NHS: variants seen among roughly 807,000 people sequenced by gnomAD.
NHS encodes NHS actin remodeling regulator.
In NHS, 5 loss-of-function variants were observed where a neutral mutation model predicts 72.5. The observed-to-expected ratio is 0.07, with a 90% confidence interval of 0.04 to 0.14. The LOEUF (loss-of-function observed/expected upper bound fraction) is 0.14, where lower values mean the gene tolerates loss of function less well. Among genes scored for constraint, NHS ranks in the 10% least tolerant of loss-of-function variants. NHS has a pLI of 1.00. For synonymous variants in NHS, 464 were observed against 547.7 expected, an observed-to-expected ratio of 0.85 and a Z score of 2.13; for missense variants, 1,072 against 1,355.7, an observed-to-expected ratio of 0.79 and a Z score of 3.29.
chrX:17,562,416 C>T (rs1476910025), intron 1 of NHS, among the ~76,000 whole-genome samples: 1 of 111,784 alleles, frequency 8.9e-6, no homozygotes, highest in Non-Finnish European at 1.9e-5. Flanking sequence ...GTTGCTAATT[C>T]CCCAGAATTT....
chrX:17,601,049 C>T (rs182891859), intron 1 of NHS, among the ~76,000 whole-genome samples: 2 of 111,611 alleles, frequency 1.8e-5, no homozygotes, highest in Non-Finnish European at 3.8e-5. Context: ...AGTAAGTCAC[C>T]GATAAATTCT....
At chrX:17,556,528 G>A (rs1343655623) in intron 1 of NHS, among the ~76,000 whole-genome samples, 1 of 113,021 alleles carries the variant, frequency 8.8e-6, no homozygotes, top group Non-Finnish European at 1.9e-5. Context: ...GTACCTGGCT[G>A]TATGTTCATC....
chrX:17,466,597 T>C, intron 1 of NHS, among the ~76,000 whole-genome samples: 1 of 111,772 alleles, frequency 8.9e-6, no homozygotes, highest in Middle Eastern at 4.6e-3. Flanking sequence ...GAACAGAAAG[T>C]TCTTTGCTGG....
At chrX:17,604,820 A>G (rs1428972710) in intron 1 of NHS, among the ~76,000 whole-genome samples, 1 of 112,405 alleles carries the variant, frequency 8.9e-6, no homozygotes, top group Non-Finnish European at 1.9e-5. Flanking sequence ...ATGAGAATGT[A>G]AAATGCATCC....
chrX:17,384,657 C>T (rs932129664), intron 1 of NHS, among the ~76,000 whole-genome samples: 1 of 112,267 alleles, frequency 8.9e-6, no homozygotes, highest in Non-Finnish European at 1.9e-5. Flanking sequence ...AGTCTCAGCA[C>T]TTCTAGTCTA....
intron 1 of NHS, among the ~76,000 whole-genome samples, chrX:17,633,827 C>T (rs2065831504): frequency 8.9e-6 from 1 of 111,819 alleles, no homozygotes; most frequent in South Asian, 3.7e-4. Context: ...TCCTTTCATT[C>T]GCGACAGTCT....
intron 1 of NHS, among the ~76,000 whole-genome samples, chrX:17,480,419 G>T (rs1601725323): frequency 1.8e-5 from 2 of 111,659 alleles, no homozygotes; most frequent in South Asian, 7.5e-4. Context: ...GCATGCTACT[G>T]GTACCAAAAC....
chrX:17,618,324 T>C (rs1377585095), intron 1 of NHS, among the ~76,000 whole-genome samples: 5 of 112,343 alleles, frequency 4.5e-5, no homozygotes, highest in Non-Finnish European at 9.4e-5. Flanking sequence ...TCATTAATTC[T>C]TGGCTTCTTC....
At chrX:17,615,257 TACAC>T (rs753115668) in intron 1 of NHS, among the ~76,000 whole-genome samples, 8 of 97,502 alleles carry the variant, frequency 8.2e-5, no homozygotes, top group African/African-American at 2.9e-4. Flanking sequence ...TACACATATA[TACAC>T]ATATATATAT....
intron 2 of NHS, among the ~76,000 whole-genome samples, chrX:17,691,529 C>T (rs913586169): frequency 9.0e-6 from 1 of 111,471 alleles, no homozygotes. Flanking sequence ...ACAGACACTA[C>T]GTTCAGGCAG....
intron 1 of NHS, among the ~76,000 whole-genome samples, chrX:17,622,008 T>C (rs1419184213): frequency 8.9e-6 from 1 of 112,227 alleles, no homozygotes; most frequent in Non-Finnish European, 1.9e-5. Context: ...CATCAATACC[T>C]GAGAGAGAAT....
intron 1 of NHS, among the ~76,000 whole-genome samples, chrX:17,433,060 C>G (rs918253606): frequency 9.1e-6 from 1 of 109,979 alleles, no homozygotes; most frequent in Middle Eastern, 4.7e-3. Flanking sequence ...GACGGAGTCT[C>G]GCTCTGTTGC....
intron 1 of NHS, among the ~76,000 whole-genome samples, chrX:17,411,001 C>G (rs2064555204): frequency 9.0e-6 from 1 of 111,484 alleles, no homozygotes; most frequent in African/African-American, 3.3e-5. Context: ...AAGTGGCTTT[C>G]AAGACATTAA....
At chrX:17,631,474 T>A (rs1444097795) in intron 1 of NHS, among the ~76,000 whole-genome samples, 2 of 112,001 alleles carry the variant, frequency 1.8e-5, no homozygotes, top group African/African-American at 6.5e-5. Flanking sequence ...AGAGACTCTA[T>A]ATTAGGAAGA....
At chrX:17,459,189 A>T (rs1218075375) in intron 1 of NHS, among the ~76,000 whole-genome samples, 1 of 112,267 alleles carries the variant, frequency 8.9e-6, no homozygotes, top group East Asian at 2.8e-4. Context: ...TCTGGGCATG[A>T]CTCCAAGCAT....
chrX:17,597,795 G>A (rs1306994259), intron 1 of NHS, among the ~76,000 whole-genome samples: 2 of 110,503 alleles, frequency 1.8e-5, no homozygotes, highest in Admixed American at 9.6e-5. Flanking sequence ...GAGCCACACC[G>A]CGGGTACCTG....
Position 17,724,211 on chromosome X carries a change from C to T in NHS, c.1109-88C>T, listed in dbSNP as rs778703513. On this transcript the variant is annotated intron_variant, in intron 5 of 8. Transcript: ENST00000676302. The stretch of plus-strand genomic sequence containing the variant: ...AGGCTTAACCCAAACTCTTTCCTTA[C>T]TTCCCGTCAAAAATATCACTGTGTT... 8.8e-6 allele frequency: 10 copies of T among 1,136,286 alleles called. No homozygotes were observed. In the East Asian group the frequency reaches 3.0e-4, roughly 34 times the overall value. The allele number at this position is 1,136,286 out of a possible 1,213,427, so 93.6% of individuals were successfully genotyped here. A position where few individuals can be genotyped will look rare whatever the true frequency, so the allele number is the denominator to read the frequency against.
chrX:17,524,457 T>C (rs1472039063), intron 1 of NHS, among the ~76,000 whole-genome samples: 2 of 112,586 alleles, frequency 1.8e-5, no homozygotes, highest in Admixed American at 1.9e-4. Flanking sequence ...AATCTAGTCC[T>C]GGATCCCACA....
intron 1 of NHS, among the ~76,000 whole-genome samples, chrX:17,573,892 G>A (rs2065495432): frequency 8.9e-6 from 1 of 111,868 alleles, no homozygotes; most frequent in Non-Finnish European, 1.9e-5. Context: ...TGATGTTGAT[G>A]CTATTCCTTT....
Sources: allele counts gnomAD v4.1 joint callset (sites outside exome capture counted in the v4.1 genomes callset), GRCh38; gene constraint gnomAD v4.1.1; transcripts MANE v1.5; gene names NCBI Gene and HGNC (gene_info 2026-07-23, HGNC 2026-07-21).